Variants in STAC observed in about 807,000 individuals in gnomAD.
STAC encodes the protein SH3 and cysteine-rich domain-containing protein.
STAC carries 43 observed loss-of-function variants against 48.8 expected under a neutral mutation model. That is an observed-to-expected ratio of 0.88 (90% CI 0.69 to 1.14). The LOEUF (loss-of-function observed/expected upper bound fraction) is 1.14. STAC is among the 50% of genes most tolerant of loss of function. STAC has a pLI of 0.00. For missense variants in STAC, 497 were observed against 504.0 expected (o/e 0.99, Z 0.13); for synonymous variants, 193 against 179.5 (o/e 1.07, Z -0.60).
At chr3:36,488,393 C>A (rs1216974889) in intron 5 of STAC, among the ~76,000 whole-genome samples, 1 of 152,220 alleles carries the variant, frequency 6.6e-6, no homozygotes, top group Non-Finnish European at 1.5e-5. Flanking sequence ...AAACCCCTGA[C>A]TTACTCGAGG....
chr3:36,535,633 G>C (rs867177626), intron 10 of STAC, among the ~76,000 whole-genome samples: 6 of 152,190 alleles, frequency 3.9e-5, no homozygotes, highest in Middle Eastern at 3.4e-3. Context: ...ATTATTTTGA[G>C]GTACGTTCCT....
At chr3:36,513,951 C>A (rs921807257) in intron 8 of STAC, among the ~76,000 whole-genome samples, 9 of 152,016 alleles carry the variant, frequency 5.9e-5, no homozygotes, top group Non-Finnish European at 1.3e-4. Context: ...TAAGTCCTAG[C>A]CAAGCCACTG....
intron 2 of STAC, among the ~76,000 whole-genome samples, chr3:36,449,272 G>A (rs1369806981): frequency 2.0e-5 from 3 of 152,188 alleles, no homozygotes; most frequent in African/African-American, 7.2e-5. Flanking sequence ...CAACCCAGGT[G>A]TTCTCAGTGG....
At position 36,397,442 on chromosome 3, in the gene STAC, C is replaced by G. The variant is rs567175512; in HGVS notation, c.111+16688C>G. ...AAATATCTGAGTGGATCTTTTTAAG[C>G]TGCCATATTGGGCACTATCTCTTCT... On this transcript the variant is annotated intron_variant, in intron 1 of 10. Coordinates refer to ENST00000273183, the MANE Select transcript of STAC (RefSeq NM_003149.3). 2.0e-5 allele frequency among the ~76,000 whole-genome samples: 3 copies of G among 152,216 alleles called. No homozygotes were observed. The South Asian group carries it at 6.2e-4, about 32-fold the overall frequency.
intron 8 of STAC, among the ~76,000 whole-genome samples, chr3:36,521,602 C>G (rs906624088): frequency 2.6e-5 from 4 of 152,132 alleles, no homozygotes; most frequent in African/African-American, 9.7e-5. Context: ...AGCTCCGAAT[C>G]ACACCAAATG....
At chr3:36,486,382 A>G in intron 5 of STAC, 133 bp downstream of exon 5, 2 of 663,384 alleles carry the variant, frequency 3.0e-6, no homozygotes, top group Admixed American at 6.3e-5. Context: ...CACCTGCCAA[A>G]GAGAAACCCA....
intron 6 of STAC, among the ~76,000 whole-genome samples, chr3:36,497,172 G>A (rs559670555): frequency 3.1e-4 from 47 of 152,298 alleles, no homozygotes; most frequent in African/African-American, 1.1e-3. Context: ...TACCACTCCA[G>A]TGGATATTTC....
intron 8 of STAC, among the ~76,000 whole-genome samples, chr3:36,514,887 A>T: frequency 6.6e-6 from 1 of 151,878 alleles, no homozygotes; most frequent in South Asian, 2.1e-4. Flanking sequence ...ATAACAAAAA[A>T]ATTAGCCAGG....
chr3:36,447,100 G>A (rs1337732568), intron 2 of STAC, among the ~76,000 whole-genome samples: 8 of 152,144 alleles, frequency 5.3e-5, no homozygotes, highest in Non-Finnish European at 1.2e-4. Flanking sequence ...GGTCTCAGCT[G>A]GAATCTGCTT....
At chr3:36,502,378 T>C (rs532185458) in intron 6 of STAC, among the ~76,000 whole-genome samples, 9 of 152,326 alleles carry the variant, frequency 5.9e-5, no homozygotes, top group South Asian at 4.1e-4. Flanking sequence ...ATGGTTGGAA[T>C]AGGTTTAAAA....
chr3:36,486,189 G>A lies in STAC; in HGVS notation c.627G>A (p.Leu209=). The stretch of plus-strand genomic sequence containing the variant: ...AGACCCTCCGCTTCGGCACCTCCCT[G>A]GCCCAGAGGACAAAGAAGGGCAGCT... ...VYETLRFGTS[L]AQRTKKGSSG... The change falls in exon 5 of 11, where the codon CTG becomes CTA. Residue 209 remains leucine, a synonymous_variant. Coordinates refer to ENST00000273183, the MANE Select transcript of STAC (RefSeq NM_003149.3). 6.2e-7 allele frequency: 1 copy of A among 1,613,998 alleles called. No homozygotes were observed. The highest frequency in any genetic ancestry group is 8.5e-7 in the Non-Finnish European group (1 of 1,179,948).
intron 6 of STAC, among the ~76,000 whole-genome samples, chr3:36,501,985 G>GA (rs1698293384): frequency 6.6e-6 from 1 of 152,068 alleles, no homozygotes; most frequent in Non-Finnish European, 1.5e-5. Context: ...TTATTCCAGG[G>GA]ATGCAAATTT....
At chr3:36,458,163 A>G (rs73065800) in intron 2 of STAC, among the ~76,000 whole-genome samples, 20,574 of 151,986 alleles carry the variant, frequency 0.14, 1,578 homozygotes, top group African/African-American at 0.21. Flanking sequence ...CTGCTGAATT[A>G]CTATATTATT....
chr3:36,411,373 C>A (rs186031638), intron 1 of STAC, among the ~76,000 whole-genome samples: 18 of 152,170 alleles, frequency 1.2e-4, no homozygotes, highest in Non-Finnish European at 2.1e-4. Context: ...CAAGAATCTG[C>A]ATATGTAACT....
At chr3:36,509,356 T>G (rs1281635720) in intron 8 of STAC, among the ~76,000 whole-genome samples, 1 of 152,306 alleles carries the variant, frequency 6.6e-6, no homozygotes, top group Admixed American at 6.5e-5. Flanking sequence ...ATTTCAACCT[T>G]GGTGAATCTG....
chr3:36,407,329 T>C (rs1479317141), intron 1 of STAC, among the ~76,000 whole-genome samples: 1 of 152,248 alleles, frequency 6.6e-6, no homozygotes, highest in Admixed American at 6.5e-5. Flanking sequence ...CCTTTCCTGC[T>C]GCGTAAATAT....
At chr3:36,380,822 TCTC>T (rs561282106) in intron 1 of STAC, 68 bp downstream of exon 1, 2 of 1,240,986 alleles carry the variant, frequency 1.6e-6, no homozygotes, top group Admixed American at 2.1e-5. Context: ...CAGCTTTGTC[TCTC>T]CTCCTATCTA....
At chr3:36,518,651 C>T (rs545545762) in intron 8 of STAC, among the ~76,000 whole-genome samples, 3 of 152,288 alleles carry the variant, frequency 2.0e-5, no homozygotes, top group African/African-American at 7.2e-5. Context: ...TCTCCATGGG[C>T]AAGTCTGAAT....
chr3:36,514,289 T>C (rs867568008), intron 8 of STAC, among the ~76,000 whole-genome samples: 48 of 142,672 alleles, frequency 3.4e-4, no homozygotes, highest in Middle Eastern at 7.4e-3. Flanking sequence ...CTGCAGAGTC[T>C]GCTTCTCCCT....
Sources: allele counts gnomAD v4.1 joint callset (sites outside exome capture counted in the v4.1 genomes callset), GRCh38; gene constraint gnomAD v4.1.1; transcripts MANE v1.5; gene names NCBI Gene and HGNC (gene_info 2026-07-23, HGNC 2026-07-21).